Variants in MCF2L observed in about 807,000 individuals in gnomAD.
The protein encoded by MCF2L is MCF.2 cell line derived transforming sequence like, also known as guanine nucleotide exchange factor DBS.
Under a neutral mutation model 153.4 loss-of-function variants are expected in MCF2L, and 97 were observed. That is an observed-to-expected ratio of 0.63 (90% CI 0.54 to 0.75). MCF2L has a LOEUF of 0.75. MCF2L is among the 30% of genes least tolerant of loss of function. The pLI, the probability that MCF2L is intolerant of heterozygous loss-of-function variation, is 0.00. For missense variants in MCF2L, 1,347 were observed against 1,495.2 expected (o/e 0.90, Z 1.64); for synonymous variants, 659 against 632.2 (o/e 1.04, Z -0.64).
In MCF2L at chr13:112,929,852, C is replaced by G. The variant is rs150078144; in HGVS notation, c.169+27481C>G. 2.5e-3 allele frequency among the ~76,000 whole-genome samples: 381 copies of G among 152,340 alleles called. 1 individual carries two copies. The highest frequency in any genetic ancestry group is 8.9e-3 in the African/African-American group (371 of 41,572). ...TTAGCAGTTGGCTGCTTGTTGTTTT[C>G]TTCCGTTTGTGGCGATCCTTTCTTT... On this transcript the variant is annotated intron_variant, in intron 2 of 29. Coordinates refer to the MCF2L transcript ENST00000375608.
rs543903573 is a variant in MCF2L, at chr13:112,976,486, T to G, written c.79+7028T>G. 1.0e-3 allele frequency among the ~76,000 whole-genome samples: 158 copies of G among 152,322 alleles called. 2 individuals carry two copies. The Middle Eastern group carries it at 0.014, about 13-fold the overall frequency. On this transcript the variant is annotated intron_variant, in intron 1 of 29. Coordinates refer to ENST00000535094, the MANE Select transcript of MCF2L (RefSeq NM_001112732.3). ...GAAGCATTCCAGCTGGAGCACCTGT[T>G]AAACGCTGCACAGGGGACCACACGC... is the stretch of plus-strand genomic sequence containing the variant.
Position 113,054,848 on chromosome 13 carries a change from G to A in MCF2L, c.370-5745G>A, listed in dbSNP as rs2087623050. ...CCAGTGAACTCTTTTTCTATCTCCAGACTACAGTGCTGTGGTCATCACACA... is the reference window on the plus strand; with the variant it reads ...CCAGTGAACTCTTTTTCTATCTCCAAACTACAGTGCTGTGGTCATCACACA... On this transcript the variant is annotated intron_variant, in intron 4 of 29. Coordinates refer to ENST00000535094, the MANE Select transcript of MCF2L (RefSeq NM_001112732.3). The surrounding 1 kb of genome is among the most constrained non-coding windows in gnomAD (Gnocchi z 5.2). 1 of 152,208 alleles carries A rather than the reference G, an allele frequency of 6.6e-6. No individual in the cohort carries two copies. 9.4% of individuals were successfully genotyped at this position (152,208 alleles called of 1,614,324 possible).
chr13:113,024,263 A>G (rs1410711856), intron 2 of MCF2L, among the ~76,000 whole-genome samples: 2 of 152,358 alleles, frequency 1.3e-5, no homozygotes, highest in South Asian at 2.1e-4. Context: ...TAATGGTTAC[A>G]TTGTTTAAAA....
Position 113,070,095 on chromosome 13 carries a change from C to T in MCF2L, c.918C>T (p.Phe306=), listed in dbSNP as rs997855764. 8 of 1,610,032 alleles carry T rather than the reference C, an allele frequency of 5.0e-6. No homozygotes were observed. In the South Asian group the frequency reaches 6.6e-5, roughly 13 times the overall value. ...LAQLNETEAA[F]DEFWAKHQQK... is the part of the protein sequence containing the mutation. ...AGCTGAACGAAACCGAGGCTGCCTT[C>T]GATGAGTTCTGGGCAAAGCATCAGC... The change falls in exon 9 of 30, where the codon TTC becomes TTT. Residue 306 remains phenylalanine (F), a synonymous_variant. Transcript: ENST00000535094. The surrounding 1 kb of genome is among the most constrained non-coding windows in gnomAD (Gnocchi z 5.6).
chr13:113,081,420 G>A, intron 16 of MCF2L, 141 bp downstream of exon 16: 1 of 783,024 alleles, frequency 1.3e-6, no homozygotes. Context: ...AGCCTGGTCG[G>A]GCCCCAGACG....
intron 2 of MCF2L, among the ~76,000 whole-genome samples, chr13:113,019,437 C>G (rs2084742284): frequency 1.3e-5 from 2 of 152,208 alleles, no homozygotes; most frequent in Non-Finnish European, 2.9e-5. Context: ...GCTTCAGCCA[C>G]AGACAGACAG....
chr13:113,012,142 G>C (rs1184278848), intron 1 of MCF2L, among the ~76,000 whole-genome samples: 1 of 105,662 alleles, frequency 9.5e-6, no homozygotes, highest in Non-Finnish European at 2.1e-5. Context: ...CAGGCAGTGT[G>C]GACGGTGGAC....
In MCF2L at chr13:113,078,799, A is replaced by G; in HGVS notation, c.1808+60A>G. 2.8e-6 allele frequency: 4 copies of G among 1,441,352 alleles called. No homozygotes were observed. In the Admixed American group the frequency reaches 5.8e-5, roughly 21 times the overall value. The allele number at this position is 1,441,352 out of a possible 1,614,324, so 89.3% of individuals were successfully genotyped here. On this transcript the variant is annotated intron_variant, in intron 15 of 29. Transcript: ENST00000535094. ...CTCCGACCGCAGCCTGAACCACCAG[A>G]TGCCGTCAGGCACTCGAGCAGATGC... is the stretch of plus-strand genomic sequence containing the variant.
At chr13:113,026,669 C>T (rs184289393) in intron 3 of MCF2L, among the ~76,000 whole-genome samples, 6 of 152,376 alleles carry the variant, frequency 3.9e-5, no homozygotes, top group East Asian at 1.9e-4. Flanking sequence ...AGCCCGTCCA[C>T]GTGGCCTCTC....
At chr13:113,093,364 G>A (rs562423063) in intron 26 of MCF2L, among the ~76,000 whole-genome samples, 19 of 152,376 alleles carry the variant, frequency 1.2e-4, no homozygotes, top group African/African-American at 3.6e-4. Flanking sequence ...CAAAGCACCC[G>A]GGTGGGGTGG....
At chr13:113,069,873 A>C (rs1336949158) in intron 8 of MCF2L, among the ~76,000 whole-genome samples, 186 bp from the exon 9 acceptor site, 2 of 152,202 alleles carry the variant, frequency 1.3e-5, no homozygotes, top group African/African-American at 4.8e-5. Flanking sequence ...CCTCCCTCCC[A>C]TGCTGACGGC....
rs747078299 is a variant in MCF2L, at chr13:113,086,258, C to G, written c.2373+9C>G. On this transcript the variant is annotated intron_variant, in intron 21 of 29. Transcript: ENST00000535094. Reference sequence around the variant, plus strand: ...CTATCACCGGCTATGACGTAAGGCGCCCAGATGCCCGGTCTTCCCCGCCGC... The same window carrying G: ...CTATCACCGGCTATGACGTAAGGCGGCCAGATGCCCGGTCTTCCCCGCCGC... The G allele has an allele frequency of 6.2e-7, 1 of 1,607,504 alleles. No homozygotes were observed. The highest frequency in any genetic ancestry group is 1.3e-5 in the African/African-American group (1 of 74,502).
intron 1 of MCF2L, among the ~76,000 whole-genome samples, chr13:113,011,917 C>T (rs1357086874): frequency 1.1e-5 from 1 of 89,284 alleles, no homozygotes; most frequent in Non-Finnish European, 2.3e-5. Flanking sequence ...CACTGTGATG[C>T]GGACGGTGGA....
intron 21 of MCF2L, 118 bp downstream of exon 21, chr13:113,086,367 A>T (rs2034638560): frequency 1.4e-6 from 2 of 1,467,248 alleles, no homozygotes; most frequent in Non-Finnish European, 1.8e-6. Flanking sequence ...GGTTCTGGGC[A>T]GGAGGTCTGG....
At chr13:113,089,844 C>T in intron 26 of MCF2L, 116 bp downstream of exon 26, 1 of 1,611,922 alleles carries the variant, frequency 6.2e-7, no homozygotes, top group East Asian at 2.2e-5. Flanking sequence ...CTTTGCAGAG[C>T]ATTCAGGGCC....
chr13:112,982,652 G>C (rs576338769), intron 1 of MCF2L, among the ~76,000 whole-genome samples: 20 of 152,314 alleles, frequency 1.3e-4, no homozygotes, highest in East Asian at 5.8e-4. Flanking sequence ...GCTGTGGGAG[G>C]GGGGAGACGT....
At chr13:112,995,579 C>T (rs749432406) in intron 1 of MCF2L, among the ~76,000 whole-genome samples, 6 of 152,144 alleles carry the variant, frequency 3.9e-5, no homozygotes, top group Admixed American at 1.3e-4. Context: ...GAGCCTGCGG[C>T]GTTGTGGCTC....
chr13:112,931,810 TG>T (rs898227323), intron 2 of MCF2L, among the ~76,000 whole-genome samples: 48 of 151,976 alleles, frequency 3.2e-4, no homozygotes, highest in African/African-American at 9.7e-4. Context: ...CAAACCCACG[TG>T]GATGGGGGCA....
intron 9 of MCF2L, among the ~76,000 whole-genome samples, chr13:113,072,022 A>G (rs1328403002): frequency 2.0e-5 from 3 of 152,192 alleles, no homozygotes; most frequent in Non-Finnish European, 4.4e-5. Flanking sequence ...GATTTCTTTC[A>G]TCAGTGTCGA....
Sources: allele counts gnomAD v4.1 joint callset (sites outside exome capture counted in the v4.1 genomes callset), GRCh38; gene constraint gnomAD v4.1.1; non-coding constraint Gnocchi (gnomAD v3.1); transcripts MANE v1.5; gene names NCBI Gene and HGNC (gene_info 2026-07-23, HGNC 2026-07-21).